Variants in SLC25A13 observed in about 807,000 individuals in gnomAD.
SLC25A13 encodes solute carrier family 25 member 13.
Under a neutral mutation model 85.5 loss-of-function variants are expected in SLC25A13, and 70 were observed. The observed-to-expected ratio is 0.82, with a 90% CI of 0.68 to 1.00. SLC25A13 has a LOEUF of 1.00. Among genes scored for constraint, SLC25A13 ranks in the 50% least tolerant of loss-of-function variants. SLC25A13 has a pLI of 0.00. For synonymous variants in SLC25A13, 259 were observed against 288.7 expected, an observed-to-expected ratio of 0.90 and a Z score of 1.04; for missense variants, 765 against 819.8, an observed-to-expected ratio of 0.93 and a Z score of 0.82.
At chr7:96,232,180 A>G (rs910382410) in intron 4 of SLC25A13, among the ~76,000 whole-genome samples, 1 of 152,224 alleles carries the variant, frequency 6.6e-6, no homozygotes, top group South Asian at 2.1e-4. Flanking sequence ...CATGGCATCA[A>G]CCTAAATGCC....
At chr7:96,181,942 C>A (rs1268667463) in intron 11 of SLC25A13, among the ~76,000 whole-genome samples, 5 of 152,122 alleles carry the variant, frequency 3.3e-5, no homozygotes, top group Admixed American at 3.3e-4. Flanking sequence ...ATAGGTATTT[C>A]ATAATGTGAC....
chr7:96,136,152 C>T (rs1792278413), intron 14 of SLC25A13, among the ~76,000 whole-genome samples: 2 of 152,054 alleles, frequency 1.3e-5, no homozygotes, highest in South Asian at 4.2e-4. Flanking sequence ...GCCTCCATTC[C>T]AATTCTATAT....
intron 2 of SLC25A13, among the ~76,000 whole-genome samples, chr7:96,296,361 C>T (rs982930075): frequency 1.3e-5 from 2 of 152,112 alleles, no homozygotes; most frequent in African/African-American, 4.8e-5. Context: ...TATTCACATA[C>T]CTTACACCAC....
At chr7:96,202,500 T>C (rs985329348) in intron 5 of SLC25A13, among the ~76,000 whole-genome samples, 2 of 152,062 alleles carry the variant, frequency 1.3e-5, no homozygotes, top group Admixed American at 6.6e-5. Flanking sequence ...AGCTAGCCAG[T>C]GGAATGGAAT....
intron 13 of SLC25A13, among the ~76,000 whole-genome samples, chr7:96,157,150 A>G (rs1479340201): frequency 1.3e-5 from 2 of 152,194 alleles, no homozygotes; most frequent in East Asian, 1.9e-4. Context: ...CCATGTCAGC[A>G]TGAAGTCCAA....
chr7:96,317,033 G>A (rs979941030), intron 1 of SLC25A13, among the ~76,000 whole-genome samples: 5 of 152,024 alleles, frequency 3.3e-5, no homozygotes, highest in South Asian at 2.1e-4. Flanking sequence ...GCAATGGCAC[G>A]ACGTCAGCTC....
At chr7:96,135,055 G>A (rs973114849) in intron 14 of SLC25A13, among the ~76,000 whole-genome samples, 2 of 152,032 alleles carry the variant, frequency 1.3e-5, no homozygotes, top group Admixed American at 6.6e-5. Context: ...CATGTGATGA[G>A]CACCTGTAGA....
chr7:96,207,290 G>A (rs1004157832), intron 5 of SLC25A13, among the ~76,000 whole-genome samples: 1 of 152,120 alleles, frequency 6.6e-6, no homozygotes, highest in African/African-American at 2.4e-5. Flanking sequence ...TTCAAAAAGA[G>A]AAGTACCTAT....
intron 5 of SLC25A13, among the ~76,000 whole-genome samples, chr7:96,199,817 A>G (rs916580342): frequency 1.3e-5 from 2 of 152,168 alleles, no homozygotes; most frequent in African/African-American, 4.8e-5. Context: ...GAATAAACAT[A>G]TATAGGGGTT....
chr7:96,244,322 G>A (rs2116846683), intron 3 of SLC25A13, among the ~76,000 whole-genome samples: 1 of 152,020 alleles, frequency 6.6e-6, no homozygotes. Context: ...ATGCTCCTAA[G>A]TAAAGATTTT....
At chr7:96,300,336 G>A (rs1469304390) in intron 1 of SLC25A13, among the ~76,000 whole-genome samples, 2 of 152,068 alleles carry the variant, frequency 1.3e-5, no homozygotes, top group South Asian at 2.1e-4. Context: ...GTGACTTGGA[G>A]GCCCTGACCT....
At chr7:96,292,297 T>G (rs1799157187) in intron 2 of SLC25A13, among the ~76,000 whole-genome samples, 1 of 152,102 alleles carries the variant, frequency 6.6e-6, no homozygotes, top group South Asian at 2.1e-4. Context: ...ATAAGAGCTA[T>G]CTATGACAAA....
At chr7:96,306,082 C>T (rs1000671108) in intron 1 of SLC25A13, among the ~76,000 whole-genome samples, 1 of 152,168 alleles carries the variant, frequency 6.6e-6, no homozygotes, top group Non-Finnish European at 1.5e-5. Context: ...ACCGTTATGT[C>T]CATTTTACAG....
rs139060650 is a variant in SLC25A13, at chr7:96,130,732, T to C, written c.1591+1011A>G. Among the ~76,000 whole-genome samples the C allele has an allele frequency of 5.3e-5, 8 of 152,342 alleles. No individual in the cohort carries two copies. The East Asian group carries it at 1.5e-3, about 29-fold the overall frequency. On this transcript the variant is annotated intron_variant, in intron 15 of 17. Transcript: ENST00000265631. ...TGAAATCATGATCTCTTGCTCTAGATACAGTGGTATCACTGCTGCTAATAC... is the reference window on the plus strand; with the variant it reads ...TGAAATCATGATCTCTTGCTCTAGACACAGTGGTATCACTGCTGCTAATAC...
chr7:96,285,116 T>C (rs1201739475), intron 2 of SLC25A13, among the ~76,000 whole-genome samples: 1 of 152,176 alleles, frequency 6.6e-6, no homozygotes, highest in South Asian at 2.1e-4. Context: ...TCTATTCTTA[T>C]TACTGGCACC....
At chr7:96,144,693 C>T in intron 14 of SLC25A13, among the ~76,000 whole-genome samples, 1 of 152,180 alleles carries the variant, frequency 6.6e-6, no homozygotes, top group African/African-American at 2.4e-5. Context: ...CTCTATTCAC[C>T]TGAACTACAA....
At chr7:96,173,125 C>A (rs2116589427) in intron 11 of SLC25A13, among the ~76,000 whole-genome samples, 1 of 152,162 alleles carries the variant, frequency 6.6e-6, no homozygotes, top group Middle Eastern at 3.4e-3. Flanking sequence ...TTGCTCATAG[C>A]CTTATAAAGG....
chr7:96,122,145 C>A, intron 15 of SLC25A13, 148 bp from the exon 16 acceptor site: 1 of 993,974 alleles, frequency 1.0e-6, no homozygotes. Flanking sequence ...GAAATGCAAC[C>A]ATGCCTCTCC....
At chr7:96,170,023 G>A (rs1365395554) in intron 13 of SLC25A13, 22 bp downstream of exon 13, 1 of 1,610,240 alleles carries the variant, frequency 6.2e-7, no homozygotes, top group East Asian at 2.2e-5. Flanking sequence ...TTTCAATGAA[G>A]AGAGCTTCAA....
Sources: gnomAD v4.1 joint callset for allele counts (sites outside exome capture counted in the v4.1 genomes callset) on GRCh38, gnomAD v4.1.1 for gene constraint, MANE v1.5 for transcripts, NCBI Gene and HGNC (gene_info 2026-07-23, HGNC 2026-07-21) for gene names.